PIWIL1: variants seen among roughly 807,000 people sequenced by gnomAD.
The protein encoded by PIWIL1 is piwi-like protein 1.
PIWIL1 carries 73 observed loss-of-function variants against 114.4 expected under a neutral mutation model. The observed-to-expected ratio is 0.64, with a 90% CI of 0.53 to 0.78. PIWIL1 has a LOEUF of 0.78. Among genes scored for constraint, PIWIL1 ranks in the 30% least tolerant of loss-of-function variants. PIWIL1 has a pLI of 0.00. For missense variants in PIWIL1, 723 were observed against 1,063.1 expected, an observed-to-expected ratio of 0.68 and a Z score of 4.45; for synonymous variants, 375 against 369.0, an observed-to-expected ratio of 1.02 and a Z score of -0.19.
the PIWIL1 span, among the ~76,000 whole-genome samples, chr12:130,409,880 C>T: frequency 1.3e-5 from 2 of 152,184 alleles, no homozygotes; most frequent in African/African-American, 2.4e-5. Flanking sequence ...TGTGTGTGAA[C>T]GTAAGTTTCC....
At chr12:130,345,281 C>T (rs1288054763) in intron 3 of PIWIL1, 1 of 153,270 alleles carries the variant, frequency 6.5e-6, no homozygotes, top group African/African-American at 2.4e-5. Flanking sequence ...GAGGAAGTTG[C>T]ATTTTAGATG....
At chr12:130,410,400 T>C in the PIWIL1 span, among the ~76,000 whole-genome samples, 1 of 152,356 alleles carries the variant, frequency 6.6e-6, no homozygotes, top group Admixed American at 6.5e-5. Flanking sequence ...CTTTTTCCTT[T>C]TATGTATCAT....
chr12:130,348,854 C>G (rs2073140342), intron 7 of PIWIL1, among the ~76,000 whole-genome samples: 1 of 152,018 alleles, frequency 6.6e-6, no homozygotes, highest in Non-Finnish European at 1.5e-5. Context: ...GAGCCGAGAT[C>G]GTGCCAACTC....
chr12:130,401,608 C>T, the PIWIL1 span, among the ~76,000 whole-genome samples: 3 of 151,838 alleles, frequency 2.0e-5, no homozygotes, highest in Admixed American at 6.6e-5. Context: ...CTTCTCTCAC[C>T]GGCTCCATTA....
intron 19 of PIWIL1, among the ~76,000 whole-genome samples, chr12:130,369,186 C>T (rs1275477531): frequency 6.6e-6 from 1 of 152,132 alleles, no homozygotes; most frequent in Admixed American, 6.5e-5. Context: ...CTGAGGATAA[C>T]GGCTTCCAGC....
rs189711809 is a variant in PIWIL1 at position 130,350,135 on chromosome 12, C to G, written c.1044+168C>G. ...TCATTACCAAATTATTAAAATGCCT[C>G]TTTTTATTTGGTACAGTTCACATAA... On this transcript the variant is annotated intron_variant, in intron 9 of 20. Coordinates refer to ENST00000245255, the MANE Select transcript of PIWIL1 (RefSeq NM_004764.5). 3.3e-5 allele frequency among the ~76,000 whole-genome samples: 5 copies of G among 152,328 alleles called. No individual in the cohort carries two copies. The East Asian group carries it at 9.6e-4, about 29-fold the overall frequency.
At chr12:130,360,640 A>C (rs78154841) in intron 14 of PIWIL1, among the ~76,000 whole-genome samples, 7,526 of 152,206 alleles carry the variant, frequency 0.049, 286 homozygotes, top group South Asian at 0.18. Context: ...TCTCAAAAAC[A>C]AAACAAACCA....
chr12:130,340,314 A>T (rs1215538513), intron 1 of PIWIL1, among the ~76,000 whole-genome samples: 2 of 152,098 alleles, frequency 1.3e-5, no homozygotes, highest in Non-Finnish European at 2.9e-5. Flanking sequence ...TTTGTAGATC[A>T]GCAGTCCCCA....
At chr12:130,357,886 C>T (rs1472669922) in intron 14 of PIWIL1, among the ~76,000 whole-genome samples, 2 of 152,136 alleles carry the variant, frequency 1.3e-5, no homozygotes, top group Non-Finnish European at 2.9e-5. Context: ...GTTCGGCACA[C>T]GTAGACGTAT....
At chr12:130,392,156 G>T in the PIWIL1 span, among the ~76,000 whole-genome samples, 2 of 111,804 alleles carry the variant, frequency 1.8e-5, no homozygotes, top group African/African-American at 3.4e-5. Context: ...CAGTTACCTG[G>T]TGAATATTGA....
At chr12:130,357,597 T>G in intron 14 of PIWIL1, 44 bp downstream of exon 14, 1 of 1,287,478 alleles carries the variant, frequency 7.8e-7, no homozygotes, top group South Asian at 1.2e-5. Context: ...GTGAAAGAGC[T>G]TTTTCAAAGG....
intron 3 of PIWIL1, 163 bp from the exon 4 acceptor site, chr12:130,345,590 C>T (rs1398595742): frequency 6.0e-6 from 4 of 669,748 alleles, no homozygotes; most frequent in East Asian, 2.8e-5. Context: ...ACCATTCTCT[C>T]GTTAGGCTGG....
intron 14 of PIWIL1, among the ~76,000 whole-genome samples, chr12:130,359,985 T>C (rs2073465558): frequency 1.3e-5 from 2 of 152,234 alleles, no homozygotes; most frequent in Admixed American, 1.3e-4. Flanking sequence ...AAAGTACATA[T>C]CTAGTTCACA....
chr12:130,358,928 G>A (rs2073438322), intron 14 of PIWIL1, among the ~76,000 whole-genome samples: 1 of 152,060 alleles, frequency 6.6e-6, no homozygotes, highest in Non-Finnish European at 1.5e-5. Flanking sequence ...CTTTAGGCGT[G>A]GTCAGGCTGC....
At chr12:130,354,258 G>A (rs1252531853) in intron 9 of PIWIL1, among the ~76,000 whole-genome samples, 1 of 152,112 alleles carries the variant, frequency 6.6e-6, no homozygotes, top group Non-Finnish European at 1.5e-5. Context: ...ATTAAGCAAT[G>A]AGAACTGTGA....
At chr12:130,376,183 G>T (rs1174815983), downstream of PIWIL1, among the ~76,000 whole-genome samples, 1 of 152,168 alleles carries the variant, frequency 6.6e-6, no homozygotes, top group East Asian at 1.9e-4. Context: ...ACACAATGCT[G>T]CTCAGACTTC....
At position 130,346,428 on chromosome 12, in the gene PIWIL1, C is replaced by T. The variant is rs778182680; in HGVS notation, c.375C>T (p.Pro125=). Residue 125 remains proline, a synonymous_variant, in exon 5 of 21, where the codon CCC becomes CCT. Transcript: ENST00000245255. ...ACCATTTCCGGCTGACATCCCGTCCCCAGTGGGCCTTATATCAGTATCACA... is the reference window on the plus strand; with the variant it reads ...ACCATTTCCGGCTGACATCCCGTCCTCAGTGGGCCTTATATCAGTATCACA... ...STNHFRLTSR[P]QWALYQYHID... 9 of 1,614,106 alleles carry T rather than the reference C, an allele frequency of 5.6e-6. No homozygotes were observed. Among genetic ancestry groups the T allele is most frequent in the Non-Finnish European group, 7.6e-6 (9 of 1,179,982 alleles).
the PIWIL1 span, among the ~76,000 whole-genome samples, chr12:130,410,503 A>G: frequency 2.6e-5 from 4 of 152,204 alleles, no homozygotes; most frequent in African/African-American, 9.6e-5. Context: ...TAATTTTTAT[A>G]CTTGAAACTA....
intron 6 of PIWIL1, 75 bp from the exon 7 acceptor site, chr12:130,348,028 C>G: frequency 3.9e-6 from 4 of 1,022,686 alleles, no homozygotes; most frequent in Non-Finnish European, 5.9e-6. Context: ...AACCCCTGCT[C>G]TAAACGACAT....
Sources: allele counts gnomAD v4.1 joint callset (sites outside exome capture counted in the v4.1 genomes callset), GRCh38; gene constraint gnomAD v4.1.1; transcripts MANE v1.5; gene names NCBI Gene and HGNC (gene_info 2026-07-23, HGNC 2026-07-21).